USP2: variants seen among roughly 807,000 people sequenced by gnomAD.
The protein encoded by USP2 is ubiquitin carboxyl-terminal hydrolase 2.
USP2 carries 33 observed loss-of-function variants against 72.0 expected under a neutral mutation model. The observed-to-expected ratio is 0.46, with a 90% CI of 0.35 to 0.61. USP2 has a LOEUF of 0.61. Among genes scored for constraint, USP2 ranks in the 20% least tolerant of loss-of-function variants. The pLI is 0.01. For synonymous variants in USP2, 296 were observed against 312.5 expected (o/e 0.95, Z 0.56); for missense variants, 691 against 797.8 (o/e 0.87, Z 1.61).
chr11:119,363,735 T>C, intron 2 of USP2: 1 of 729,076 alleles, frequency 1.4e-6, no homozygotes, highest in Non-Finnish European at 1.9e-6. Context: ...AAAGGAGGGG[T>C]GGGGGCTGGG....
Position 119,381,687 on chromosome 11 carries a change from G to T in USP2, c.-256C>A, listed in dbSNP as rs1951060899. The T allele has an allele frequency of 2.4e-5, 19 of 803,452 alleles. No homozygotes were observed. In the South Asian group the frequency reaches 2.7e-4, roughly 11 times the overall value. 49.8% of individuals were successfully genotyped at this position (803,452 alleles called of 1,614,324 possible). A position where few individuals can be genotyped will look rare whatever the true frequency, so the allele number is the denominator to read the frequency against. On this transcript the variant is annotated 5_prime_UTR_variant, in exon 1 of 13. Coordinates refer to ENST00000260187, the MANE Select transcript of USP2 (RefSeq NM_004205.5). Reference sequence around the variant, plus strand: ...ACCCAGCGGGCAGCCGCCTCATCGCGCCTGGGCCGGCAGAGCCACACCCCG... The same window carrying T: ...ACCCAGCGGGCAGCCGCCTCATCGCTCCTGGGCCGGCAGAGCCACACCCCG...
intron 7 of USP2, 101 bp from the exon 8 acceptor site, chr11:119,358,353 G>T: frequency 8.9e-7 from 1 of 1,127,964 alleles, no homozygotes. Flanking sequence ...GTTTTGCTCT[G>T]TCCCCCAGGC....
At chr11:119,363,137 GGCACGGGGCAGGGCACGCACTGCCA>G (rs939754182) in intron 2 of USP2, among the ~76,000 whole-genome samples, 8 of 152,238 alleles carry the variant, frequency 5.3e-5, no homozygotes, top group Non-Finnish European at 8.8e-5. Flanking sequence ...GTGTGGCCCT[GGCACGGGGCAGGGCACGCACTGCCA>G]GCACGGGAGC....
At chr11:119,360,570 T>C (rs1950747983) in intron 2 of USP2, among the ~76,000 whole-genome samples, 1 of 151,974 alleles carries the variant, frequency 6.6e-6, no homozygotes, top group Non-Finnish European at 1.5e-5. Flanking sequence ...ACTACAGGTG[T>C]GTGCCACGAT....
chr11:119,359,361 G>T lies in USP2; in HGVS notation c.950-19C>A, dbSNP rs148650681. ...GCAAACTCTATTGGAAGGAGAGAGTGTACAGGACAGCTGAGATATTTTCTA... is the reference window on the plus strand; with the variant it reads ...GCAAACTCTATTGGAAGGAGAGAGTTTACAGGACAGCTGAGATATTTTCTA... On this transcript the variant is annotated intron_variant, in intron 4 of 12. Coordinates refer to ENST00000260187, the MANE Select transcript of USP2 (RefSeq NM_004205.5). 2.5e-6 allele frequency: 4 copies of T among 1,603,588 alleles called. No homozygotes were observed. Among genetic ancestry groups the T allele is most frequent in the Non-Finnish European group, 3.4e-6 (4 of 1,172,888 alleles).
rs368960794 is a variant in USP2 at position 119,373,226 on chromosome 11, G to A, written c.255C>T (p.Ile85=). The change falls in exon 2 of 13, where the codon ATC becomes ATT. Residue 85 remains isoleucine, a synonymous_variant. Coordinates refer to ENST00000260187, the MANE Select transcript of USP2 (RefSeq NM_004205.5). ...TCTCTGCCCGCTTACCACCCCCAGT[G>A]ATGTCGGGTCTCAGCAGGGGGCGGC... ...DRGRPLLRPD[I]TGGGKRAESQ... is the part of the protein sequence containing the mutation. 1.2e-6 allele frequency: 2 copies of A among 1,614,050 alleles called. No individual in the cohort carries two copies. Among genetic ancestry groups the A allele is most frequent in the Non-Finnish European group, 1.7e-6 (2 of 1,179,964 alleles).
chr11:119,379,118 A>G, intron 1 of USP2: 1 of 985,472 alleles, frequency 1.0e-6, no homozygotes, highest in Non-Finnish European at 1.2e-6. Flanking sequence ...GGTAATCCGG[A>G]GCTCAGGTTA....
At chr11:119,369,621 C>T (rs1293305757) in intron 2 of USP2, among the ~76,000 whole-genome samples, 2 of 152,166 alleles carry the variant, frequency 1.3e-5, no homozygotes, top group Admixed American at 6.5e-5. Flanking sequence ...TCTTCTGCAG[C>T]ATTTTATTGA....
chr11:119,357,728 G>A, intron 10 of USP2, 29 bp downstream of exon 10: 1 of 1,613,498 alleles, frequency 6.2e-7, no homozygotes, highest in Non-Finnish European at 8.5e-7. Flanking sequence ...TGAAAGTCAT[G>A]TCCCAGCCCT....
chr11:119,357,545 G>T lies in USP2; in HGVS notation c.1547C>A (p.Thr516Lys). Residue 516 changes from threonine to lysine, a missense_variant, in exon 11 of 13, where the codon ACA becomes AAA. Coordinates refer to ENST00000260187, the MANE Select transcript of USP2 (RefSeq NM_004205.5). ...SESRIRTSKL[T>K]TFVNFPLRDL... ...TCTTAGGGGGAAGTTCACAAATGTT[G>T]TGAGCTTGCTGGTTCGGATCCTGGA... 6.2e-7 allele frequency: 1 copy of T among 1,614,194 alleles called. No individual in the cohort carries two copies.
At chr11:119,360,320 G>A (rs1950743288) in intron 2 of USP2, 86 bp from the exon 3 acceptor site, 2 of 1,370,098 alleles carry the variant, frequency 1.5e-6, no homozygotes, top group Non-Finnish European at 2.1e-6. Context: ...CTAACCAGCT[G>A]GAGCCACAGG....
Position 119,359,680 on chromosome 11 carries a change from A to C in USP2, c.826-20T>G, listed in dbSNP as rs1289305249. 3.7e-6 allele frequency: 6 copies of C among 1,611,870 alleles called. No homozygotes were observed. In the South Asian group the frequency reaches 4.4e-5, roughly 12 times the overall value. ...GAAGCACTGCAAGAGATGACCAGGC[A>C]ATCAGTGGGGAGACGAGAGTCCCAC... On this transcript the variant is annotated intron_variant, in intron 3 of 12. Coordinates refer to ENST00000260187, the MANE Select transcript of USP2 (RefSeq NM_004205.5).
chr11:119,377,127 T>G (rs936525126), intron 1 of USP2, among the ~76,000 whole-genome samples: 2 of 152,380 alleles, frequency 1.3e-5, no homozygotes, highest in African/African-American at 4.8e-5. Flanking sequence ...TGGGACACAG[T>G]GCATTAACTC....
intron 2 of USP2, chr11:119,363,945 G>T: frequency 7.7e-7 from 1 of 1,306,448 alleles, no homozygotes; most frequent in Non-Finnish European, 9.8e-7. Context: ...GGGCGGGAAA[G>T]GGGGCGGCGG....
At chr11:119,377,058 A>T (rs990238302) in intron 1 of USP2, among the ~76,000 whole-genome samples, 56 of 152,268 alleles carry the variant, frequency 3.7e-4, no homozygotes, top group African/African-American at 1.4e-3. Flanking sequence ...AAACTTTCAA[A>T]TGAAGTTTTT....
chr11:119,375,962 C>T (rs1950995470), intron 1 of USP2, among the ~76,000 whole-genome samples: 1 of 152,202 alleles, frequency 6.6e-6, no homozygotes, highest in South Asian at 2.1e-4. Flanking sequence ...AATCCCCACT[C>T]TCCCTCCCAT....
chr11:119,377,212 C>G (rs1055357114), intron 1 of USP2, among the ~76,000 whole-genome samples: 7 of 152,192 alleles, frequency 4.6e-5, no homozygotes, highest in African/African-American at 1.7e-4. Flanking sequence ...GTTGGCGATG[C>G]TGGGAGTGAT....
chr11:119,379,898 TG>T (rs1322537642), intron 1 of USP2, among the ~76,000 whole-genome samples: 1 of 146,952 alleles, frequency 6.8e-6, no homozygotes, highest in Non-Finnish European at 1.5e-5. Context: ...GGGTTACTCC[TG>T]GGGAAGTGTT....
At position 119,372,912 on chromosome 11, in the gene USP2, C is replaced by T; in HGVS notation, c.569G>A (p.Ser190Asn). 3 of 1,612,132 alleles carry T rather than the reference C, an allele frequency of 1.9e-6. No homozygotes were observed. The highest frequency in any genetic ancestry group is 2.5e-6 in the Non-Finnish European group (3 of 1,179,348). Reference sequence around the variant, plus strand: ...GTAGTCGACCAGGTATTCAGGGCAGCTGGCTGTCTGGTAGAGCCCCTGCAG... The same window carrying T: ...GTAGTCGACCAGGTATTCAGGGCAGTTGGCTGTCTGGTAGAGCCCCTGCAG... ...CTLQGLYQTASCPEYLVDYLE... is the reference protein window; with the variant it reads ...CTLQGLYQTANCPEYLVDYLE... The change falls in exon 2 of 13, where the codon AGC (serine) becomes AAC (asparagine). Residue 190 changes from serine (S) to asparagine (N), a missense_variant. Ser to Asn is a conservative substitution (Grantham distance 46, BLOSUM62 1). Coordinates refer to ENST00000260187, the MANE Select transcript of USP2 (RefSeq NM_004205.5).
Sources: allele counts gnomAD v4.1 joint callset (sites outside exome capture counted in the v4.1 genomes callset), GRCh38; gene constraint gnomAD v4.1.1; transcripts MANE v1.5; gene names NCBI Gene and HGNC (gene_info 2026-07-23, HGNC 2026-07-21).